The following AGMO variants were observed in gnomAD, a reference collection of about 807,000 sequenced individuals.
AGMO encodes the protein glyceryl-ether monooxygenase.
In AGMO, 75 loss-of-function variants were observed where a neutral mutation model predicts 60.2. That is an observed-to-expected ratio of 1.25 (90% confidence interval 1.03 to 1.51). The LOEUF (loss-of-function observed/expected upper bound fraction) is 1.51, where lower values mean the gene tolerates loss of function less well. AGMO is among the 40% of genes most tolerant of loss of function. The pLI is 0.00. For synonymous variants in AGMO, 261 were observed against 177.1 expected (o/e 1.47, Z -3.76); for missense variants, 763 against 525.5 (o/e 1.45, Z -4.42).
the AGMO span, among the ~76,000 whole-genome samples, chr7:15,130,842 GGAGT>G: frequency 6.6e-6 from 1 of 152,088 alleles, no homozygotes; most frequent in Non-Finnish European, 1.5e-5. Context: ...ATATTTATCA[GGAGT>G]GAGTAATACA....
chr7:15,269,096 C>T (rs1783520004), intron 12 of AGMO, among the ~76,000 whole-genome samples: 1 of 152,058 alleles, frequency 6.6e-6, no homozygotes, highest in Non-Finnish European at 1.5e-5. Flanking sequence ...CACTATTCAA[C>T]TCTGCCAATG....
chr7:15,139,138 C>A, the AGMO span, among the ~76,000 whole-genome samples: 1 of 151,976 alleles, frequency 6.6e-6, no homozygotes, highest in South Asian at 2.1e-4. Context: ...ATTCTTATCA[C>A]ATAAAATATG....
At chr7:15,347,621 A>AAT (rs960625189) in intron 12 of AGMO, among the ~76,000 whole-genome samples, 3 of 151,728 alleles carry the variant, frequency 2.0e-5, no homozygotes, top group Non-Finnish European at 4.4e-5. Context: ...TCCCAAAAAA[A>AAT]ATGTGGGCGC....
chr7:15,421,947 G>T (rs1780938739), intron 4 of AGMO, among the ~76,000 whole-genome samples: 1 of 152,080 alleles, frequency 6.6e-6, no homozygotes, highest in African/African-American at 2.4e-5. Flanking sequence ...GACAGTCTCA[G>T]AGGTGGGAAA....
chr7:15,250,694 C>T (rs1782903214), intron 12 of AGMO, among the ~76,000 whole-genome samples: 1 of 152,096 alleles, frequency 6.6e-6, no homozygotes, highest in South Asian at 2.1e-4. Context: ...AATCCCAGCA[C>T]TTTGGGAAGC....
intron 3 of AGMO, among the ~76,000 whole-genome samples, chr7:15,478,250 T>G (rs550393223): frequency 6.6e-6 from 1 of 152,162 alleles, no homozygotes; most frequent in Non-Finnish European, 1.5e-5. Context: ...GCACTCGACT[T>G]GTTGTCTAAT....
chr7:15,287,700 G>A lies in AGMO; in HGVS notation c.1263+77814C>T, dbSNP rs189617595. Among the ~76,000 whole-genome samples the A allele has an allele frequency of 4.3e-3, 655 of 152,182 alleles. 4 individuals carry two copies. Among genetic ancestry groups the A allele is most frequent in the African/African-American group, 0.015 (626 of 41,504 alleles). ...TAAAACTACTTACATGTAGGCACCA[G>A]AACTTTTCGAAATAATTTCACTGAT... is the stretch of plus-strand genomic sequence containing the variant. On this transcript the variant is annotated intron_variant, in intron 12 of 12. Transcript: ENST00000342526.
chr7:15,248,243 G>C (rs1782825651), intron 12 of AGMO, among the ~76,000 whole-genome samples: 1 of 86,840 alleles, frequency 1.2e-5, no homozygotes, highest in South Asian at 4.1e-4. Flanking sequence ...TTCAATTCTA[G>C]TCTAAAAATA....
At chr7:15,414,056 G>A (rs1226973600) in intron 5 of AGMO, among the ~76,000 whole-genome samples, 1 of 151,982 alleles carries the variant, frequency 6.6e-6, no homozygotes. Context: ...CACCCAGGCT[G>A]GAGTGCAGTG....
At chr7:15,532,712 TG>T (rs1784400003) in intron 3 of AGMO, among the ~76,000 whole-genome samples, 1 of 12,500 alleles carries the variant, frequency 8.0e-5, no homozygotes, top group Non-Finnish European at 3.0e-4. Context: ...CTTCCTAGGC[TG>T]GGTGCGGTGG....
chr7:15,451,467 G>T (rs757453477), intron 3 of AGMO, among the ~76,000 whole-genome samples: 70 of 152,062 alleles, frequency 4.6e-4, no homozygotes, highest in Non-Finnish European at 5.3e-4. Flanking sequence ...AGCTCTTGAG[G>T]CTGGGAATTC....
the AGMO span, among the ~76,000 whole-genome samples, chr7:15,167,465 T>C: frequency 4.0e-4 from 61 of 152,186 alleles, 1 homozygote; most frequent in Non-Finnish European, 3.7e-4. Flanking sequence ...AAGAGTAGAC[T>C]GCAACAAAAA....
chr7:15,310,396 AC>A, intron 12 of AGMO, among the ~76,000 whole-genome samples: 1 of 152,124 alleles, frequency 6.6e-6, no homozygotes, highest in Non-Finnish European at 1.5e-5. Context: ...CCAGAAATAA[AC>A]ATATTTGGTT....
the AGMO span, among the ~76,000 whole-genome samples, chr7:15,170,544 T>C: frequency 2.6e-5 from 4 of 151,952 alleles, no homozygotes; most frequent in Non-Finnish European, 5.9e-5. Context: ...CCAAGGCTTA[T>C]ATTTATTTTT....
At chr7:15,183,315 C>T in the AGMO span, among the ~76,000 whole-genome samples, 3 of 152,258 alleles carry the variant, frequency 2.0e-5, no homozygotes, top group African/African-American at 7.2e-5. Flanking sequence ...CTAACATTCA[C>T]CATGCCCCAT....
At chr7:15,556,725 T>C (rs537979198) in intron 2 of AGMO, among the ~76,000 whole-genome samples, 3 of 152,226 alleles carry the variant, frequency 2.0e-5, no homozygotes, top group South Asian at 4.1e-4. Context: ...GCTTAAACAA[T>C]AGATTTGGTA....
intron 9 of AGMO, among the ~76,000 whole-genome samples, chr7:15,386,532 A>C (rs954798482): frequency 6.6e-6 from 1 of 152,234 alleles, no homozygotes; most frequent in African/African-American, 2.4e-5. Context: ...TGCACAATGA[A>C]TTGTGAACAT....
chr7:15,301,704 A>T (rs1003807457), intron 12 of AGMO, among the ~76,000 whole-genome samples: 3 of 152,326 alleles, frequency 2.0e-5, no homozygotes, highest in African/African-American at 7.2e-5. Context: ...CATTTCTTTT[A>T]AAAACCCAAG....
intron 12 of AGMO, among the ~76,000 whole-genome samples, chr7:15,294,250 T>C (rs1784352817): frequency 6.6e-6 from 1 of 151,992 alleles, no homozygotes; most frequent in Admixed American, 6.6e-5. Context: ...TCACATATAA[T>C]ACAAACCCAC....
Sources: gnomAD v4.1 joint callset for allele counts (sites outside exome capture counted in the v4.1 genomes callset) on GRCh38, gnomAD v4.1.1 for gene constraint, MANE v1.5 for transcripts, NCBI Gene and HGNC (gene_info 2026-07-23, HGNC 2026-07-21) for gene names.